The following RAB11FIP3 variants were observed in gnomAD, a reference collection of about 807,000 sequenced individuals.
The protein encoded by RAB11FIP3 is RAB11 family interacting protein 3.
RAB11FIP3 carries 17 observed loss-of-function variants against 77.8 expected under a neutral mutation model. The ratio of observed to expected loss-of-function variants is 0.22; its 90% CI spans 0.15 to 0.33. The LOEUF (loss-of-function observed/expected upper bound fraction) is 0.33. RAB11FIP3 is among the 10% of genes least tolerant of loss of function. RAB11FIP3 has a pLI of 1.00. For missense variants in RAB11FIP3, 1,005 were observed against 1,011.2 expected, an observed-to-expected ratio of 0.99 and a Z score of 0.08; for synonymous variants, 437 against 448.2, an observed-to-expected ratio of 0.98 and a Z score of 0.31.
At chr16:456,774 C>A (rs1008312737) in intron 1 of RAB11FIP3, among the ~76,000 whole-genome samples, 2 of 152,010 alleles carry the variant, frequency 1.3e-5, no homozygotes, top group Admixed American at 6.6e-5. Context: ...AACAAAAAAA[C>A]CAACAAAAAA....
In RAB11FIP3 at chr16:514,750, G is replaced by A. The variant is rs1478088588; in HGVS notation, c.1640+3950G>A. Among the ~76,000 whole-genome samples, 1 of 152,204 alleles carries A rather than the reference G, an allele frequency of 6.6e-6. No individual in the cohort carries two copies. ...CTTCCAGAAAGTATGGGAGCCCCTG[G>A]CAGGCTGCAGAGAGCTGGAGTGAAG... On this transcript the variant is annotated intron_variant, in intron 9 of 13. Coordinates refer to ENST00000262305, the MANE Select transcript of RAB11FIP3 (RefSeq NM_014700.4). The surrounding 1 kb of genome is among the most constrained non-coding windows in gnomAD (Gnocchi z 4.6).
At chr16:429,972 A>G (rs2055010358) in intron 1 of RAB11FIP3, among the ~76,000 whole-genome samples, 1 of 152,078 alleles carries the variant, frequency 6.6e-6, no homozygotes, top group Non-Finnish European at 1.5e-5. Flanking sequence ...TAGCAATGTC[A>G]TGGTGTGTTT....
chr16:520,853 C>A lies in RAB11FIP3; in HGVS notation c.*14C>A. On this transcript the variant is annotated 3_prime_UTR_variant, in exon 14 of 14. Coordinates refer to ENST00000262305, the MANE Select transcript of RAB11FIP3 (RefSeq NM_014700.4). ...GAGGTCAAGTAGAGGCAGGAAGGTCCAGCCTGAGCTGGATTCGGGACTCCA... is the reference window on the plus strand; with the variant it reads ...GAGGTCAAGTAGAGGCAGGAAGGTCAAGCCTGAGCTGGATTCGGGACTCCA... 1 of 1,607,048 alleles carries A rather than the reference C, an allele frequency of 6.2e-7. No homozygotes were observed. Among genetic ancestry groups the A allele is most frequent in the Non-Finnish European group, 8.5e-7 (1 of 1,174,274 alleles).
chr16:455,205 C>G (rs115399712), intron 1 of RAB11FIP3, among the ~76,000 whole-genome samples: 1 of 151,598 alleles, frequency 6.6e-6, no homozygotes, highest in Non-Finnish European at 1.5e-5. Flanking sequence ...CGCAGCCAGG[C>G]GCCATGGCTC....
At chr16:512,894 C>T (rs554331054) in intron 9 of RAB11FIP3, among the ~76,000 whole-genome samples, 1 of 152,048 alleles carries the variant, frequency 6.6e-6, no homozygotes, top group East Asian at 1.9e-4. Flanking sequence ...GTGGCCCAGG[C>T]TGGTCTTGAA....
At chr16:502,364 A>G (rs1429117608) in intron 6 of RAB11FIP3, among the ~76,000 whole-genome samples, 1 of 152,214 alleles carries the variant, frequency 6.6e-6, no homozygotes, top group Non-Finnish European at 1.5e-5. Flanking sequence ...CCGGGTAGTA[A>G]CTGGCATGGC....
chr16:467,606 G>A (rs1210149728), intron 2 of RAB11FIP3, among the ~76,000 whole-genome samples: 1 of 132,454 alleles, frequency 7.5e-6, no homozygotes, highest in African/African-American at 3.1e-5. Context: ...GGGAGGAGGT[G>A]CTGGGGCGTC....
At chr16:457,684 A>G (rs573527119) in intron 1 of RAB11FIP3, among the ~76,000 whole-genome samples, 25 of 152,334 alleles carry the variant, frequency 1.6e-4, no homozygotes, top group African/African-American at 6.0e-4. Context: ...TCATTCTAAC[A>G]TGGTAACATG....
intron 1 of RAB11FIP3, among the ~76,000 whole-genome samples, chr16:432,673 C>T (rs1048176672): frequency 4.0e-5 from 6 of 148,800 alleles, no homozygotes; most frequent in Admixed American, 2.0e-4. Context: ...GATCTCGGCT[C>T]AGTGCAGTCT....
At chr16:482,488 G>C (rs367967364) in intron 3 of RAB11FIP3, 37 bp from the exon 4 acceptor site, 8 of 1,600,380 alleles carry the variant, frequency 5.0e-6, no homozygotes, top group African/African-American at 1.3e-5. Flanking sequence ...TCCCCTCCCA[G>C]CTTGTGCCCG....
chr16:520,227 A>G lies in RAB11FIP3; in HGVS notation c.1966A>G (p.Ser656Gly), dbSNP rs761188574. ...SSSMGLQEYH[S>G]RARESELEQE... ...CAGCATGGGCCTGCAGGAGTACCAC[A>G]GCCGCGCCCGGGAGAGCGAGCTGGA... Residue 656 changes from serine to glycine, a missense_variant, in exon 12 of 14, where the codon AGC becomes GGC. By Grantham distance (56) the Ser-to-Gly change is moderately conservative. Transcript: ENST00000262305. 7 of 1,545,664 alleles carry G rather than the reference A, an allele frequency of 4.5e-6. No homozygotes were observed. The highest frequency in any genetic ancestry group is 2.4e-5 in the East Asian group (1 of 41,192).
At chr16:496,698 C>A (rs2031165488) in intron 5 of RAB11FIP3, 126 bp from the exon 6 acceptor site, 2 of 898,558 alleles carry the variant, frequency 2.2e-6, no homozygotes, top group Non-Finnish European at 3.6e-6. Flanking sequence ...CCTGGGGGGC[C>A]CTGCATGCCG....
Position 426,364 on chromosome 16 carries a change from G to C in RAB11FIP3, c.358G>C (p.Asp120His). 6.5e-7 allele frequency: 1 copy of C among 1,539,704 alleles called. No individual in the cohort carries two copies. Among genetic ancestry groups the C allele is most frequent in the Non-Finnish European group, 8.7e-7 (1 of 1,145,146 alleles). ...CTCCGAAGCGCCGCTTCCAGAACTC[G>C]ACCCGTTGTTCTCCTGGACTGAGGA... ...PRSEAPLPEL[D>H]PLFSWTEEPE... Residue 120 changes from aspartate (D) to histidine (H), a missense_variant, in exon 1 of 14, where the codon GAC (aspartate) becomes CAC (histidine). Around this residue, in one of 4 missense-constraint regions of RAB11FIP3, gnomAD observed 466 missense variants for 408.3 expected, o/e 1.14. Coordinates refer to ENST00000262305, the MANE Select transcript of RAB11FIP3 (RefSeq NM_014700.4). The surrounding 1 kb of genome is among the most constrained non-coding windows in gnomAD (Gnocchi z 5.0).
At chr16:462,120 C>T (rs1182059710) in intron 2 of RAB11FIP3, among the ~76,000 whole-genome samples, 1 of 152,266 alleles carries the variant, frequency 6.6e-6, no homozygotes, top group Non-Finnish European at 1.5e-5. Flanking sequence ...ACGCACATCA[C>T]TGTCCCCATG....
intron 5 of RAB11FIP3, among the ~76,000 whole-genome samples, chr16:492,362 T>TCCCCGGGAGACCCGAGGCCG (rs2030354690): frequency 2.5e-4 from 16 of 63,666 alleles, no homozygotes; most frequent in African/African-American, 1.2e-3. Flanking sequence ...GAAGAGGGTC[T>TCCCCGGGAGACCCGAGGCCG]TCCCGGGAGA....
intron 5 of RAB11FIP3, among the ~76,000 whole-genome samples, chr16:490,227 G>A (rs1214547367): frequency 1.3e-5 from 2 of 152,222 alleles, no homozygotes; most frequent in East Asian, 1.9e-4. Flanking sequence ...CAGCGCCCGC[G>A]ATGAGGCTGC....
At chr16:474,989 C>T (rs1186895185) in intron 3 of RAB11FIP3, 16 of 1,551,482 alleles carry the variant, frequency 1.0e-5, no homozygotes, top group Admixed American at 2.0e-5. Context: ...GCCAGTGACC[C>T]GGTTGGGACG....
intron 1 of RAB11FIP3, among the ~76,000 whole-genome samples, chr16:432,303 GGAGGCA>G (rs1253241223): frequency 6.6e-6 from 1 of 151,954 alleles, no homozygotes; most frequent in East Asian, 2.0e-4. Flanking sequence ...CTTGAACCTG[GGAGGCA>G]GAGGTTGCAG....
In RAB11FIP3 at chr16:425,851, G is replaced by A. The variant is rs1217764896; in HGVS notation, c.-156G>A. 2 of 281,594 alleles carry A rather than the reference G, an allele frequency of 7.1e-6. No individual in the cohort carries two copies. The highest frequency in any genetic ancestry group is 5.4e-5 in the Admixed American group (1 of 18,574). 17.4% of individuals were successfully genotyped at this position (281,594 alleles called of 1,614,324 possible). A position where few individuals can be genotyped will look rare whatever the true frequency, so the allele number is the denominator to read the frequency against. ...CAGCTGAGGCGCGGTGCGAAGATGGGCGAGGACAGAGCAGGGCCCGAGCGC... is the reference window on the plus strand; with the variant it reads ...CAGCTGAGGCGCGGTGCGAAGATGGACGAGGACAGAGCAGGGCCCGAGCGC... On this transcript the variant is annotated 5_prime_UTR_variant, in exon 1 of 14. Coordinates refer to ENST00000262305, the MANE Select transcript of RAB11FIP3 (RefSeq NM_014700.4).
Sources: gnomAD v4.1 joint callset for allele counts (sites outside exome capture counted in the v4.1 genomes callset) on GRCh38, gnomAD v4.1.1 for gene constraint, gnomAD v4.1.1 regional missense constraint, Gnocchi (gnomAD v3.1) non-coding constraint, MANE v1.5 for transcripts, NCBI Gene and HGNC (gene_info 2026-07-23, HGNC 2026-07-21) for gene names.